HACL1: variants seen among roughly 807,000 people sequenced by gnomAD.
HACL1 encodes 2-hydroxyacyl-CoA lyase 1.
In HACL1, 64 loss-of-function variants were observed where a neutral mutation model predicts 74.2. The ratio of observed to expected loss-of-function variants is 0.86; its 90% CI spans 0.70 to 1.06. The LOEUF (loss-of-function observed/expected upper bound fraction) is 1.06, where lower values mean the gene tolerates loss of function less well. Among genes scored for constraint, HACL1 ranks in the 50% least tolerant of loss-of-function variants. The pLI is 0.00. For synonymous variants in HACL1, 230 were observed against 238.8 expected, an observed-to-expected ratio of 0.96 and a Z score of 0.34; for missense variants, 728 against 719.7, an observed-to-expected ratio of 1.01 and a Z score of -0.13.
Position 15,567,985 on chromosome 3 carries a change from AAAGT to A in HACL1, c.1264_1267del (p.Thr422SerfsTer43). The A allele has an allele frequency of 6.2e-7, 1 of 1,614,186 alleles. No individual in the cohort carries two copies. The highest frequency in any genetic ancestry group is 8.5e-7 in the Non-Finnish European group (1 of 1,180,008). ...TCCCAAACCAACTCCCATTGTTCCG[AAAGT>A]ACCAGCATCAAGCCTGTTGGAGAAC... On this transcript the variant is annotated frameshift_variant, in exon 14 of 17. Transcript: ENST00000321169. LOFTEE classifies it high-confidence loss of function.
chr3:15,574,238 C>T (rs190345123), intron 10 of HACL1, among the ~76,000 whole-genome samples: 24 of 152,218 alleles, frequency 1.6e-4, no homozygotes, highest in South Asian at 8.3e-4. Context: ...CATTGTTGTA[C>T]GCGTCTATAG....
rs1258493991 is a variant in HACL1, at chr3:15,583,655, T to TC, written c.555-667dup. 3.3e-5 allele frequency among the ~76,000 whole-genome samples: 5 copies of TC among 151,060 alleles called. No homozygotes were observed. In the South Asian group the frequency reaches 8.3e-4, roughly 25 times the overall value. ...ACATTTCTCTTTTTTTTTTTTCTTT[T>TC]CTTTTTTTTTTTCTTTTGTGGAGAC... On this transcript the variant is annotated intron_variant, in intron 7 of 16. Coordinates refer to ENST00000321169, the MANE Select transcript of HACL1 (RefSeq NM_012260.4).
chr3:15,590,987 AGGAGAATCACTTGAACCTG>A (rs1343862023), intron 4 of HACL1, among the ~76,000 whole-genome samples: 2 of 152,216 alleles, frequency 1.3e-5, no homozygotes, highest in Non-Finnish European at 2.9e-5. Context: ...AGGCTGACGC[AGGAGAATCACTTGAACCTG>A]GGAGGCAGAG....
chr3:15,563,340 C>T lies in HACL1; in HGVS notation c.1704+18G>A. 6.3e-7 allele frequency: 1 copy of T among 1,585,634 alleles called. No homozygotes were observed. The highest frequency in any genetic ancestry group is 8.6e-7 in the Non-Finnish European group (1 of 1,156,988). Reference sequence around the variant, plus strand: ...AAGCAGATGCATTTCTTGCTTTCTGCTTAGCAACTGTATTTACCTGGGCCT... The same window carrying T: ...AAGCAGATGCATTTCTTGCTTTCTGTTTAGCAACTGTATTTACCTGGGCCT... On this transcript the variant is annotated intron_variant, in intron 16 of 16. Coordinates refer to ENST00000321169, the MANE Select transcript of HACL1 (RefSeq NM_012260.4).
chr3:15,565,503 A>G (rs2063418887), intron 14 of HACL1, among the ~76,000 whole-genome samples: 1 of 152,248 alleles, frequency 6.6e-6, no homozygotes, highest in South Asian at 2.1e-4. Flanking sequence ...GGAGTATTTA[A>G]CAGTGTGCTA....
intron 12 of HACL1, among the ~76,000 whole-genome samples, chr3:15,570,207 C>T (rs1413689794): frequency 6.7e-6 from 1 of 149,316 alleles, no homozygotes; most frequent in African/African-American, 2.5e-5. Context: ...TGGTGGCACA[C>T]GTCTGTAGTC....
At chr3:15,597,553 C>A (rs982246841) in intron 2 of HACL1, among the ~76,000 whole-genome samples, 1 of 146,524 alleles carries the variant, frequency 6.8e-6, no homozygotes, top group African/African-American at 2.7e-5. Context: ...TAATGAATTG[C>A]GTATTTCCTA....
chr3:15,571,837 T>A, intron 11 of HACL1, 68 bp from the exon 12 acceptor site: 6 of 575,286 alleles, frequency 1.0e-5, no homozygotes, highest in African/African-American at 2.8e-5. Flanking sequence ...TTCTTTTTTT[T>A]TTTTTTTTTT....
At chr3:15,579,542 AAATTTAGAGAAAGAC>A (rs2063687111) in intron 9 of HACL1, among the ~76,000 whole-genome samples, 1 of 152,234 alleles carries the variant, frequency 6.6e-6, no homozygotes, top group African/African-American at 2.4e-5. Context: ...AAAACTTTCC[AAATTTAGAGAAAGAC>A]AATTTAGAGA....
At position 15,590,230 on chromosome 3, in the gene HACL1, T is replaced by A. The variant is rs368075408; in HGVS notation, c.309-618A>T. 3.0e-4 allele frequency among the ~76,000 whole-genome samples: 46 copies of A among 152,210 alleles called. 1 individual carries two copies. The highest frequency in any genetic ancestry group is 1.0e-3 in the Admixed American group (16 of 15,274). ...ATAAATTTTTATGCCTTTCTTATTC[T>A]TGGGATAAGGGGAAGAAAAATTTTA... On this transcript the variant is annotated intron_variant, in intron 4 of 16. Coordinates refer to ENST00000321169, the MANE Select transcript of HACL1 (RefSeq NM_012260.4).
At chr3:15,577,806 A>C (rs570493532) in intron 9 of HACL1, among the ~76,000 whole-genome samples, 259 of 151,488 alleles carry the variant, frequency 1.7e-3, no homozygotes, top group African/African-American at 5.6e-3. Flanking sequence ...TCCAAAAAAA[A>C]CCCAAAAACC....
intron 2 of HACL1, among the ~76,000 whole-genome samples, chr3:15,598,862 G>A (rs2125298054): frequency 6.6e-6 from 1 of 152,328 alleles, no homozygotes; most frequent in South Asian, 2.1e-4. Context: ...GCACTGGGAT[G>A]TTCCACCAAC....
At chr3:15,570,325 G>A (rs1236339992) in intron 12 of HACL1, among the ~76,000 whole-genome samples, 1 of 150,368 alleles carries the variant, frequency 6.7e-6, no homozygotes, top group African/African-American at 2.4e-5. Flanking sequence ...CCTGGCGACA[G>A]AGTGAGACTC....
At chr3:15,566,160 C>A (rs2063430850) in intron 14 of HACL1, among the ~76,000 whole-genome samples, 1 of 152,154 alleles carries the variant, frequency 6.6e-6, no homozygotes, top group South Asian at 2.1e-4. Flanking sequence ...AAAGCTTTGC[C>A]AACCCCAAAA....
chr3:15,594,982 C>T (rs906112187), intron 3 of HACL1, among the ~76,000 whole-genome samples: 86 of 152,280 alleles, frequency 5.6e-4, no homozygotes, highest in African/African-American at 2.0e-3. Context: ...CAAAAATTAG[C>T]TGGGTGTGGT....
At chr3:15,592,161 C>T (rs925553218) in intron 3 of HACL1, among the ~76,000 whole-genome samples, 6 of 148,366 alleles carry the variant, frequency 4.0e-5, no homozygotes, top group South Asian at 4.2e-4. Context: ...TACGTATATA[C>T]GTATACATGC....
Position 15,585,307 on chromosome 3 carries a change from A to G in HACL1, c.495T>C (p.Ala165=). Residue 165 remains alanine (A), a synonymous_variant, in exon 7 of 17, where the codon GCT becomes GCC. Coordinates refer to ENST00000321169, the MANE Select transcript of HACL1 (RefSeq NM_012260.4). Reference sequence around the variant, plus strand: ...AATCTGCTGGTATGTCAACATAGCAAGCACCTGGACGACCATAGATACTGC... The same window carrying G: ...AATCTGCTGGTATGTCAACATAGCAGGCACCTGGACGACCATAGATACTGC... ...VRSSIYGRPG[A]CYVDIPADFV... 1.2e-6 allele frequency: 2 copies of G among 1,606,582 alleles called. No individual in the cohort carries two copies. Among genetic ancestry groups the G allele is most frequent in the Non-Finnish European group, 1.7e-6 (2 of 1,173,114 alleles).
At chr3:15,574,884 T>C (rs1459307432) in intron 10 of HACL1, 93 bp downstream of exon 10, 4 of 555,714 alleles carry the variant, frequency 7.2e-6, no homozygotes, top group East Asian at 2.8e-5. Flanking sequence ...GTTTTTTTAA[T>C]AGTAATCAAG....
At position 15,588,942 on chromosome 3, in the gene HACL1, C is replaced by T. The variant is rs1306594118; in HGVS notation, c.381+598G>A. Among the ~76,000 whole-genome samples, 5 of 152,158 alleles carry T rather than the reference C, an allele frequency of 3.3e-5. No homozygotes were observed. The South Asian group carries it at 8.3e-4, about 25-fold the overall frequency. The stretch of plus-strand genomic sequence containing the variant: ...TAGTCCAAAATCATTTTTATTCCTA[C>T]ATCTTCTTGACTCCTTTAAGAGCCT... On this transcript the variant is annotated intron_variant, in intron 5 of 16. Transcript: ENST00000321169.
Sources: gnomAD v4.1 joint callset for allele counts (sites outside exome capture counted in the v4.1 genomes callset) on GRCh38, gnomAD v4.1.1 for gene constraint, MANE v1.5 for transcripts, NCBI Gene and HGNC (gene_info 2026-07-23, HGNC 2026-07-21) for gene names.